The following RBFOX1 variants were observed in gnomAD, a reference collection of about 807,000 sequenced individuals.
RBFOX1 encodes the protein RNA binding protein fox-1 homolog 1.
Under a neutral mutation model 57.7 loss-of-function variants are expected in RBFOX1, and 8 were observed. That is an observed-to-expected ratio of 0.14 (90% CI 0.08 to 0.25). The LOEUF is 0.25. Ranked by LOEUF, RBFOX1 falls within the 10% of genes least tolerant of loss-of-function variation. The pLI is 1.00. For synonymous variants in RBFOX1, 326 were observed against 222.4 expected, an observed-to-expected ratio of 1.47 and a Z score of -4.15; for missense variants, 611 against 548.5, an observed-to-expected ratio of 1.11 and a Z score of -1.14.
At chr16:7,330,265 G>C (rs147883686) in intron 4 of RBFOX1, among the ~76,000 whole-genome samples, 1 of 151,550 alleles carries the variant, frequency 6.6e-6, no homozygotes. Context: ...ATATTAAATC[G>C]TCTTTAGATT....
At position 6,884,327 on chromosome 16, in the gene RBFOX1, C is replaced by A. The variant is rs150778512; in HGVS notation, c.-15-167730C>A. The stretch of plus-strand genomic sequence containing the variant: ...AGCTCTGAGCCTTGCTTAACCAGGG[C>A]TGGGGACCTGGCAGCTTCTTCCAAA... On this transcript the variant is annotated intron_variant, in intron 3 of 15. Coordinates refer to ENST00000550418, the MANE Select transcript of RBFOX1 (RefSeq NM_018723.4). 8.7e-4 allele frequency among the ~76,000 whole-genome samples: 133 copies of A among 152,272 alleles called. 1 individual carries two copies. The highest frequency in any genetic ancestry group is 3.2e-3 in the African/African-American group (131 of 41,560).
At chr16:7,361,405 C>T (rs779884215) in intron 4 of RBFOX1, among the ~76,000 whole-genome samples, 6 of 152,270 alleles carry the variant, frequency 3.9e-5, no homozygotes, top group South Asian at 2.1e-4. Flanking sequence ...CATCAAAGAA[C>T]GAGGCTGCGG....
At chr16:7,273,188 CCCTT>C (rs1313541893) in intron 4 of RBFOX1, among the ~76,000 whole-genome samples, 1 of 121,398 alleles carries the variant, frequency 8.2e-6, no homozygotes, top group Admixed American at 8.4e-5. Flanking sequence ...CTTCCTTCCT[CCCTT>C]CCTTCCTCCC....
chr16:5,971,290 C>A (rs1200642226), intron 4 of RBFOX1, among the ~76,000 whole-genome samples: 2 of 152,216 alleles, frequency 1.3e-5, no homozygotes, highest in Non-Finnish European at 2.9e-5. Context: ...CATAACAGTC[C>A]TTGTCATGTG....
intron 13 of RBFOX1, among the ~76,000 whole-genome samples, chr16:7,676,188 A>C (rs1455474201): frequency 6.6e-6 from 1 of 152,224 alleles, no homozygotes; most frequent in Non-Finnish European, 1.5e-5. Context: ...GGCCAAAAAG[A>C]AATGTTCAGT....
intron 4 of RBFOX1, among the ~76,000 whole-genome samples, chr16:5,897,372 G>C (rs980331898): frequency 1.3e-5 from 2 of 152,080 alleles, no homozygotes; most frequent in African/African-American, 4.8e-5. Flanking sequence ...ATTCCACTCT[G>C]CTTTCTTTTC....
chr16:6,281,028 A>G (rs543041340), intron 1 of RBFOX1, among the ~76,000 whole-genome samples: 1 of 148,864 alleles, frequency 6.7e-6, no homozygotes, highest in African/African-American at 2.6e-5. Flanking sequence ...TTACATATGT[A>G]TGTATATGCT....
intron 3 of RBFOX1, among the ~76,000 whole-genome samples, chr16:6,730,514 C>G (rs1455700855): frequency 6.6e-6 from 1 of 152,106 alleles, no homozygotes; most frequent in Non-Finnish European, 1.5e-5. Flanking sequence ...ATCTATCTAC[C>G]TGTCTACCTA....
At chr16:6,599,198 A>C (rs753768726) in intron 2 of RBFOX1, among the ~76,000 whole-genome samples, 10 of 152,028 alleles carry the variant, frequency 6.6e-5, no homozygotes, top group Non-Finnish European at 1.5e-4. Flanking sequence ...TCTCATCCAA[A>C]GACGTGTTGC....
intron 4 of RBFOX1, among the ~76,000 whole-genome samples, chr16:7,446,715 A>C (rs2098810506): frequency 6.6e-6 from 1 of 150,864 alleles, no homozygotes; most frequent in African/African-American, 2.4e-5. Flanking sequence ...GAAACCCCAG[A>C]ATTTTTCTCT....
chr16:6,635,959 T>C (rs1331415364), intron 2 of RBFOX1, among the ~76,000 whole-genome samples: 4 of 152,172 alleles, frequency 2.6e-5, no homozygotes, highest in Admixed American at 1.3e-4. Flanking sequence ...GGGACCCAAG[T>C]TGAGAACCGT....
Position 7,710,834 on chromosome 16 carries a change from T to G in RBFOX1, c.*89T>G. ...GCAATACATGCAGTAGTACATCATT[T>G]TAGCAACTCTAAAAAAAAAAAAAAT... On this transcript the variant is annotated 3_prime_UTR_variant, in exon 16 of 16. Transcript: ENST00000550418. 1 of 1,157,902 alleles carries G rather than the reference T, an allele frequency of 8.6e-7. No homozygotes were observed. The highest frequency in any genetic ancestry group is 1.1e-6 in the Non-Finnish European group (1 of 905,104). The allele number at this position is 1,157,902 out of a possible 1,614,324, so 71.7% of individuals were successfully genotyped here.
rs116333458 is a variant in RBFOX1, at chr16:5,506,154, A to G, written c.258+38900A>G. Among the ~76,000 whole-genome samples the G allele has an allele frequency of 3.8e-3, 582 of 152,220 alleles. 5 individuals are homozygous for G. Among genetic ancestry groups the G allele is most frequent in the African/African-American group, 0.013 (557 of 41,532 alleles). On this transcript the variant is annotated intron_variant, in intron 2 of 2. Transcript: ENST00000585867. The stretch of plus-strand genomic sequence containing the variant: ...CTGCCAAGCTTGCTTTGAAATCATT[A>G]ATGTGCCTGTCTTCACAGTGTTCCG...
chr16:6,220,579 G>T (rs957427552), intron 1 of RBFOX1, among the ~76,000 whole-genome samples: 3 of 152,122 alleles, frequency 2.0e-5, no homozygotes, highest in Admixed American at 1.3e-4. Flanking sequence ...AAAACACAGT[G>T]AAATTTCTGA....
At chr16:6,430,901 T>C (rs2094061120) in intron 2 of RBFOX1, among the ~76,000 whole-genome samples, 1 of 143,696 alleles carries the variant, frequency 7.0e-6, no homozygotes, top group Non-Finnish European at 1.5e-5. Context: ...GAGGCTGAGA[T>C]AGGAGGGTTT....
chr16:7,033,962 C>T (rs535643119), intron 3 of RBFOX1, among the ~76,000 whole-genome samples: 1 of 152,190 alleles, frequency 6.6e-6, no homozygotes. Flanking sequence ...AAGCAAGACC[C>T]TGTCTAAAAT....
intron 2 of RBFOX1, among the ~76,000 whole-genome samples, chr16:6,424,766 T>G (rs2152994467): frequency 6.6e-6 from 1 of 152,282 alleles, no homozygotes; most frequent in Admixed American, 6.5e-5. Flanking sequence ...ATAATTCCTC[T>G]TCTAAGATGA....
intron 3 of RBFOX1, among the ~76,000 whole-genome samples, chr16:6,870,327 C>T (rs2060651103): frequency 6.6e-6 from 1 of 152,044 alleles, no homozygotes; most frequent in Admixed American, 6.6e-5. Flanking sequence ...TTCAGCACTG[C>T]TAGGAAACAG....
intron 1 of RBFOX1, among the ~76,000 whole-genome samples, chr16:5,411,837 T>G (rs1480423029): frequency 6.6e-6 from 1 of 152,026 alleles, no homozygotes; most frequent in Non-Finnish European, 1.5e-5. Flanking sequence ...GAACTCTGAT[T>G]GCACCACTGC....
Sources: allele counts gnomAD v4.1 joint callset (sites outside exome capture counted in the v4.1 genomes callset), GRCh38; gene constraint gnomAD v4.1.1; transcripts MANE v1.5; gene names NCBI Gene and HGNC (gene_info 2026-07-23, HGNC 2026-07-21).